The following RGS17 variants were observed in gnomAD, a reference collection of about 807,000 sequenced individuals.
RGS17 encodes regulator of G-protein signaling 17.
RGS17 carries 12 observed loss-of-function variants against 25.5 expected under a neutral mutation model. The observed-to-expected ratio is 0.47, with a 90% CI of 0.30 to 0.76. The LOEUF is 0.76. Ranked by LOEUF, RGS17 falls within the 30% of genes least tolerant of loss-of-function variation. The pLI is 0.07. For synonymous variants in RGS17, 71 were observed against 76.9 expected (o/e 0.92, Z 0.40); for missense variants, 196 against 242.2 (o/e 0.81, Z 1.27).
At chr6:153,128,325 T>C (rs79284446) in intron 1 of RGS17, among the ~76,000 whole-genome samples, 2 of 152,340 alleles carry the variant, frequency 1.3e-5, no homozygotes, top group East Asian at 1.9e-4. Flanking sequence ...TCTTTGGTAG[T>C]GCAGTATTCT....
In RGS17 at chr6:153,054,003, TATATACGTATATATGTATATA is replaced by T. The variant is rs1562321413; in HGVS notation, c.-25-9981_-25-9961del. 7.5e-3 allele frequency among the ~76,000 whole-genome samples: 279 copies of T among 37,262 alleles called. 43 individuals carry two copies. Among genetic ancestry groups the T allele is most frequent in the South Asian group, 0.014 (18 of 1,260 alleles). The allele number at this position is 37,262 out of a possible 152,430, so 24.4% of individuals were successfully genotyped here. On this transcript the variant is annotated intron_variant, in intron 1 of 4. Coordinates refer to ENST00000206262, the MANE Select transcript of RGS17 (RefSeq NM_012419.5). ...TATATATGTATATAATATATATACA[TATATACGTATATATGTATATA>T]ATATATATACATATATATGTATATA...
rs1274465578 is a variant in RGS17, at chr6:153,010,226, T to A, written c.*1348A>T. The stretch of plus-strand genomic sequence containing the variant: ...AATATTCAAATGTAACACTTTGATA[T>A]AAATATGACACTGATTATTTTAATT... On this transcript the variant is annotated 3_prime_UTR_variant, in exon 5 of 5. Transcript: ENST00000206262. 1 of 152,004 alleles carries A rather than the reference T, an allele frequency of 6.6e-6. No homozygotes were observed. Among genetic ancestry groups the A allele is most frequent in the East Asian group, 1.9e-4 (1 of 5,196 alleles). 9.4% of individuals were successfully genotyped at this position (152,004 alleles called of 1,614,324 possible). A position where few individuals can be genotyped will look rare whatever the true frequency, so the allele number is the denominator to read the frequency against.
At chr6:153,121,046 C>T (rs1777623987) in intron 1 of RGS17, among the ~76,000 whole-genome samples, 1 of 151,774 alleles carries the variant, frequency 6.6e-6, no homozygotes, top group Non-Finnish European at 1.5e-5. Context: ...TCTTTAGGCT[C>T]CCTCAGACTT....
At chr6:153,117,169 C>A (rs527314602) in intron 1 of RGS17, among the ~76,000 whole-genome samples, 2 of 152,106 alleles carry the variant, frequency 1.3e-5, no homozygotes, top group African/African-American at 2.4e-5. Context: ...CTGGGGAGGC[C>A]TCAAGAAACT....
chr6:153,125,436 A>G (rs1777690663), intron 1 of RGS17, among the ~76,000 whole-genome samples: 1 of 152,252 alleles, frequency 6.6e-6, no homozygotes, highest in African/African-American at 2.4e-5. Flanking sequence ...AAAAATTCAA[A>G]TCCATTTCTA....
intron 2 of RGS17, among the ~76,000 whole-genome samples, chr6:153,028,679 T>C (rs1349590918): frequency 1.3e-5 from 2 of 152,194 alleles, no homozygotes; most frequent in Non-Finnish European, 1.5e-5. Context: ...GTAAATTCTA[T>C]TCAGCTCTTT....
chr6:153,078,843 G>A (rs1050301950), intron 1 of RGS17, among the ~76,000 whole-genome samples: 1 of 151,534 alleles, frequency 6.6e-6, no homozygotes, highest in Non-Finnish European at 1.5e-5. Flanking sequence ...CCAATTTCTA[G>A]TCATTCATTG....
At chr6:153,082,804 T>C (rs1777003434) in intron 1 of RGS17, among the ~76,000 whole-genome samples, 1 of 152,168 alleles carries the variant, frequency 6.6e-6, no homozygotes, top group Non-Finnish European at 1.5e-5. Context: ...TTAATGGAAG[T>C]TAGACTTAGT....
At chr6:153,068,178 C>T (rs1776735594) in intron 1 of RGS17, among the ~76,000 whole-genome samples, 1 of 152,164 alleles carries the variant, frequency 6.6e-6, no homozygotes, top group African/African-American at 2.4e-5. Context: ...TTAAAGGTGG[C>T]TCATGCCTGC....
At chr6:153,091,145 A>C (rs577862907) in intron 1 of RGS17, among the ~76,000 whole-genome samples, 2 of 152,300 alleles carry the variant, frequency 1.3e-5, no homozygotes, top group South Asian at 4.2e-4. Context: ...ACAAGGGAAA[A>C]AGAATTTGGT....
chr6:153,026,877 C>T lies in RGS17; in HGVS notation c.120-334G>A, dbSNP rs1779308589. On this transcript the variant is annotated intron_variant, in intron 2 of 4. Coordinates refer to ENST00000206262, the MANE Select transcript of RGS17 (RefSeq NM_012419.5). ...TATTATATATATATGTATATACACACACACACATATGATTACCTTACTCTT... is the reference window on the plus strand; with the variant it reads ...TATTATATATATATGTATATACACATACACACATATGATTACCTTACTCTT... 2.0e-5 allele frequency among the ~76,000 whole-genome samples: 3 copies of T among 152,044 alleles called. No individual in the cohort carries two copies. In the South Asian group the frequency reaches 6.2e-4, roughly 32 times the overall value.
chr6:153,055,284 C>T (rs1484408776), intron 1 of RGS17, among the ~76,000 whole-genome samples: 1 of 151,970 alleles, frequency 6.6e-6, no homozygotes, highest in African/African-American at 2.4e-5. Context: ...TTTTTTTTCC[C>T]TTGAGTTCAC....
At chr6:153,089,039 G>T (rs757070165) in intron 1 of RGS17, among the ~76,000 whole-genome samples, 1 of 152,076 alleles carries the variant, frequency 6.6e-6, no homozygotes, top group Non-Finnish European at 1.5e-5. Context: ...AGAATCTCAA[G>T]AACTGCTCCC....
At chr6:153,113,367 G>T (rs540629700) in intron 1 of RGS17, among the ~76,000 whole-genome samples, 2 of 152,038 alleles carry the variant, frequency 1.3e-5, no homozygotes, top group South Asian at 4.2e-4. Flanking sequence ...GATCAATGCC[G>T]CAAGAAGAGC....
intron 2 of RGS17, among the ~76,000 whole-genome samples, chr6:153,043,144 G>C (rs1776343223): frequency 2.0e-5 from 3 of 152,184 alleles, no homozygotes; most frequent in Non-Finnish European, 2.9e-5. Flanking sequence ...TTCAGCACTA[G>C]ATGGCACCTT....
chr6:153,018,231 T>G (rs1779205277), intron 4 of RGS17, among the ~76,000 whole-genome samples: 4 of 152,164 alleles, frequency 2.6e-5, no homozygotes, highest in Non-Finnish European at 5.9e-5. Context: ...CGGTTGGGTT[T>G]ATAGAAATCT....
intron 1 of RGS17, among the ~76,000 whole-genome samples, chr6:153,069,654 G>A (rs1562325731): frequency 1.3e-5 from 2 of 152,026 alleles, no homozygotes. Flanking sequence ...ATGCTTGAGA[G>A]GATATGCTGT....
At chr6:153,097,061 AT>A (rs1180802828) in intron 1 of RGS17, among the ~76,000 whole-genome samples, 2 of 152,106 alleles carry the variant, frequency 1.3e-5, no homozygotes, top group Non-Finnish European at 2.9e-5. Context: ...ACTTTGATTT[AT>A]TTGTTCCTTA....
chr6:153,053,091 G>A (rs570074407), intron 1 of RGS17, among the ~76,000 whole-genome samples: 102 of 152,246 alleles, frequency 6.7e-4, no homozygotes, highest in African/African-American at 2.2e-3. Flanking sequence ...TCCAGCTTAT[G>A]GCATTTTGTT....
Sources: allele counts gnomAD v4.1 joint callset (sites outside exome capture counted in the v4.1 genomes callset), GRCh38; gene constraint gnomAD v4.1.1; transcripts MANE v1.5; gene names NCBI Gene and HGNC (gene_info 2026-07-23, HGNC 2026-07-21).